Variants in LCN10 observed in about 807,000 individuals in gnomAD.
The protein encoded by LCN10 is lipocalin 10, also known as epididymal-specific lipocalin-10.
A neutral mutation model predicts 25.1 loss-of-function variants in LCN10; 18 were observed. The observed-to-expected ratio is 0.72, with a 90% CI of 0.50 to 1.06. The LOEUF (loss-of-function observed/expected upper bound fraction) is 1.06, where lower values mean the gene tolerates loss of function less well. Among genes scored for constraint, LCN10 ranks in the 50% least tolerant of loss-of-function variants. The pLI is 0.00. For missense variants in LCN10, 257 were observed against 258.9 expected, an observed-to-expected ratio of 0.99 and a Z score of 0.05; for synonymous variants, 130 against 116.7, an observed-to-expected ratio of 1.11 and a Z score of -0.73.
At position 136,740,495 on chromosome 9, in the gene LCN10, C is replaced by A. The variant is rs1465062756; in HGVS notation, c.475+341G>T. The A allele has an allele frequency of 2.2e-6, 1 of 456,576 alleles. No homozygotes were observed. Among genetic ancestry groups the A allele is most frequent in the Admixed American group, 3.5e-5 (1 of 28,526 alleles). The allele number at this position is 456,576 out of a possible 1,614,324, so 28.3% of individuals were successfully genotyped here. ...CACTTCCACACCCCTCCATCCCGGG[C>A]AGACCCTTACCTGGGACCCCTCCCA... On this transcript the variant is annotated intron_variant, in intron 4 of 5. Transcript: ENST00000497771. The surrounding 1 kb of genome is among the most constrained non-coding windows in gnomAD (Gnocchi z 5.3).
In LCN10 at chr9:136,741,388, G is replaced by A. The variant is rs201112950; in HGVS notation, c.258-27C>T. On this transcript the variant is annotated intron_variant, in intron 2 of 5. Coordinates refer to ENST00000497771, the MANE Select transcript of LCN10 (RefSeq NM_001001712.3). Reference sequence around the variant, plus strand: ...TGGGGCCAAGGCGGGGGCTCAGGCTGCAGACCAGGGAACCCCTCCTCCCGC... The same window carrying A: ...TGGGGCCAAGGCGGGGGCTCAGGCTACAGACCAGGGAACCCCTCCTCCCGC... 35 of 1,542,628 alleles carry A rather than the reference G, an allele frequency of 2.3e-5. No individual in the cohort carries two copies. In the East Asian group the frequency reaches 7.7e-4, roughly 34 times the overall value.
At chr9:136,741,101 G>T in intron 3 of LCN10, 151 bp downstream of exon 3, 1 of 986,978 alleles carries the variant, frequency 1.0e-6, no homozygotes, top group Non-Finnish European at 1.5e-6. Context: ...TCCCGGGCCA[G>T]GCCGCCCAGC....
At position 136,739,351 on chromosome 9, in the gene LCN10, C is replaced by T; in HGVS notation, c.*174G>A. 1.5e-6 allele frequency: 1 copy of T among 664,738 alleles called. No individual in the cohort carries two copies. 41.2% of individuals were successfully genotyped at this position (664,738 alleles called of 1,614,324 possible). ...CGGTCAGCCTGTATCCTCCTTCCCC[C>T]ATCTTTCTGTGATCATAAAGGATCC... On this transcript the variant is annotated 3_prime_UTR_variant, in exon 6 of 6. Transcript: ENST00000497771. This position sits in a 1 kb window ranked among gnomAD's most constrained non-coding sequence, Gnocchi z 6.1.
Position 136,739,389 on chromosome 9 carries a change from G to A in LCN10, c.*136C>T. 1.1e-6 allele frequency: 1 copy of A among 898,138 alleles called. No individual in the cohort carries two copies. The highest frequency in any genetic ancestry group is 1.8e-6 in the Non-Finnish European group (1 of 568,004). 55.6% of individuals were successfully genotyped at this position (898,138 alleles called of 1,614,324 possible). A position where few individuals can be genotyped will look rare whatever the true frequency, so the allele number is the denominator to read the frequency against. ...TCATAAAGGATCCCTTGAGCCACTT[G>A]ATTTTCACACTGTCAATGACCTAGA... On this transcript the variant is annotated 3_prime_UTR_variant, in exon 6 of 6. Transcript: ENST00000497771. This position sits in a 1 kb window ranked among gnomAD's most constrained non-coding sequence, Gnocchi z 6.1.
chr9:136,741,466 G>A, intron 2 of LCN10, 105 bp from the exon 3 acceptor site: 2 of 941,102 alleles, frequency 2.1e-6, no homozygotes, highest in Non-Finnish European at 3.2e-6. Context: ...CTGCTCCCGT[G>A]GGACCCGGGA....
intron 1 of LCN10, 32 bp downstream of exon 1, chr9:136,742,755 C>G: frequency 2.5e-6 from 4 of 1,610,434 alleles, no homozygotes; most frequent in Non-Finnish European, 3.4e-6. Context: ...AGAGCCGGCG[C>G]CCGGCTCAGG....
chr9:136,739,433 A>G lies in LCN10; in HGVS notation c.*92T>C. On this transcript the variant is annotated 3_prime_UTR_variant, in exon 6 of 6. Transcript: ENST00000497771. This position sits in a 1 kb window ranked among gnomAD's most constrained non-coding sequence, Gnocchi z 6.1. ...ACCTAGAGTCACCAAACACCTCTCA[A>G]CAAGCCGTGGTCTCCACTTGACATC... is the stretch of plus-strand genomic sequence containing the variant. The G allele has an allele frequency of 1.4e-6, 2 of 1,390,234 alleles. No homozygotes were observed. Among genetic ancestry groups the G allele is most frequent in the South Asian group, 2.5e-5 (2 of 80,676 alleles). 86.1% of individuals were successfully genotyped at this position (1,390,234 alleles called of 1,614,324 possible). A position where few individuals can be genotyped will look rare whatever the true frequency, so the allele number is the denominator to read the frequency against.
chr9:136,741,454 C>T lies in LCN10; in HGVS notation c.258-93G>A, dbSNP rs1021073183. The stretch of plus-strand genomic sequence containing the variant: ...CCCCACCCACACGTCTCGGTCCCGC[C>T]CCTGCTCCCGTGGGACCCGGGAAGG... On this transcript the variant is annotated intron_variant, in intron 2 of 5. Transcript: ENST00000497771. 3 of 1,030,872 alleles carry T rather than the reference C, an allele frequency of 2.9e-6. No homozygotes were observed. The African/African-American group carries it at 4.7e-5, about 16-fold the overall frequency. 63.9% of individuals were successfully genotyped at this position (1,030,872 alleles called of 1,614,324 possible).
At position 136,740,675 on chromosome 9, in the gene LCN10, T is replaced by C. The variant is rs1399036575; in HGVS notation, c.475+161A>G. 8 of 599,414 alleles carry C rather than the reference T, an allele frequency of 1.3e-5. No individual in the cohort carries two copies. The highest frequency in any genetic ancestry group is 2.1e-5 in the Non-Finnish European group (7 of 338,464). The allele number at this position is 599,414 out of a possible 1,614,324, so 37.1% of individuals were successfully genotyped here. ...GCTTCAGCGACCTCCAGGACCTGAC[T>C]GCTGTGGTCTCGGCTTCCATTGCCC... On this transcript the variant is annotated intron_variant, in intron 4 of 5. Transcript: ENST00000497771. This position sits in a 1 kb window ranked among gnomAD's most constrained non-coding sequence, Gnocchi z 5.3.
At position 136,741,259 on chromosome 9, in the gene LCN10, C is replaced by G. The variant is rs1476462643; in HGVS notation, c.360G>C (p.Gln120His). ...CAYAAGPREGQEGVKGVKAFH... is the reference protein window; with the variant it reads ...CAYAAGPREGHEGVKGVKAFH... ...CCCAGAGCCCAAGCACACCTCCCTC[C>G]TGTCCTTCCCTCGGGCCCGCCGCGT... Residue 120 changes from glutamine (Q) to histidine (H), a missense_variant, in exon 3 of 6, where the codon CAG (glutamine) becomes CAC (histidine). Gln to His is a conservative substitution (Grantham distance 24, BLOSUM62 0). Coordinates refer to ENST00000497771, the MANE Select transcript of LCN10 (RefSeq NM_001001712.3). 6.2e-7 allele frequency: 1 copy of G among 1,613,396 alleles called. No homozygotes were observed.
chr9:136,742,230 C>A (rs1473875151), intron 1 of LCN10: 9 of 606,996 alleles, frequency 1.5e-5, no homozygotes, highest in Non-Finnish European at 2.5e-5. Flanking sequence ...GGTCAGGGAC[C>A]CCAGGCAGCA....
In LCN10 at chr9:136,740,004, C is replaced by T; in HGVS notation, c.520G>A (p.Asp174Asn). 1.3e-6 allele frequency: 2 copies of T among 1,590,212 alleles called. No individual in the cohort carries two copies. Among genetic ancestry groups the T allele is most frequent in the Non-Finnish European group, 1.7e-6 (2 of 1,168,132 alleles). ...GAGAGCCCCAGAATGTCACAAGCGT[C>T]CATGAATTCCTTCAGACTCTGGAAG... is the stretch of plus-strand genomic sequence containing the variant. ...SSFQSLKEFM[D>N]ACDILGLSKA... The change falls in exon 5 of 6, where the codon GAC (aspartate) becomes AAC (asparagine). Residue 174 changes from aspartate (D) to asparagine (N), a missense_variant. Transcript: ENST00000497771. This position sits in a 1 kb window ranked among gnomAD's most constrained non-coding sequence, Gnocchi z 5.3.
chr9:136,741,172 G>T, intron 3 of LCN10, 80 bp downstream of exon 3: 1 of 1,278,086 alleles, frequency 7.8e-7, no homozygotes. Context: ...CGTGCTCTCG[G>T]GGACAAGGGG....
In LCN10 at chr9:136,742,027, A is replaced by G. The variant is rs371436226; in HGVS notation, c.118-7T>C. On this transcript the variant is annotated splice_polypyrimidine_tract_variant and splice_region_variant and intron_variant, in intron 1 of 5. Coordinates refer to ENST00000497771, the MANE Select transcript of LCN10 (RefSeq NM_001001712.3). ...TGTACCAGAACCCTGAAAACTGCGCAGCGGATGTGTGGGCGGGGACAGGAG... is the reference window on the plus strand; with the variant it reads ...TGTACCAGAACCCTGAAAACTGCGCGGCGGATGTGTGGGCGGGGACAGGAG... 8 of 1,612,416 alleles carry G rather than the reference A, an allele frequency of 5.0e-6. No individual in the cohort carries two copies. The highest frequency in any genetic ancestry group is 4.0e-5 in the African/African-American group (3 of 74,938).
At chr9:136,742,064 G>T (rs1846949126) in intron 1 of LCN10, 44 bp from the exon 2 acceptor site, 1 of 1,607,094 alleles carries the variant, frequency 6.2e-7, no homozygotes, top group African/African-American at 1.3e-5. Flanking sequence ...TGCCACCGGG[G>T]GCTGTCCCCA....
rs989970224 is a variant in LCN10, at chr9:136,740,251, C to G, written c.476-203G>C. The stretch of plus-strand genomic sequence containing the variant: ...CAGGCTCGGGAAGCCAGGGTCACCA[C>G]GCTGTCACCTGGGGAACCCTCTCTG... On this transcript the variant is annotated intron_variant, in intron 4 of 5. Transcript: ENST00000497771. This position sits in a 1 kb window ranked among gnomAD's most constrained non-coding sequence, Gnocchi z 5.3. The G allele has an allele frequency of 1.7e-6, 1 of 595,648 alleles. No individual in the cohort carries two copies. Among genetic ancestry groups the G allele is most frequent in the African/African-American group, 1.8e-5 (1 of 54,076 alleles). The allele number at this position is 595,648 out of a possible 1,614,324, so 36.9% of individuals were successfully genotyped here.
At chr9:136,741,527 C>T (rs1846935330) in intron 2 of LCN10, 166 bp from the exon 3 acceptor site, 1 of 616,150 alleles carries the variant, frequency 1.6e-6, no homozygotes, top group African/African-American at 1.8e-5. Flanking sequence ...CAACTCGTGT[C>T]AATCTGAGGC....
Position 136,740,985 on chromosome 9 carries a change from C to A in LCN10, c.368-42G>T. On this transcript the variant is annotated intron_variant, in intron 3 of 5. Transcript: ENST00000497771. This position sits in a 1 kb window ranked among gnomAD's most constrained non-coding sequence, Gnocchi z 5.3. ...GAGATGCCCGCTGGTTCCCGGATGG[C>A]GTGGCTGTGCCCGCCCACAGCCCTG... is the stretch of plus-strand genomic sequence containing the variant. The A allele has an allele frequency of 6.5e-7, 1 of 1,539,184 alleles. No homozygotes were observed. Among genetic ancestry groups the A allele is most frequent in the Non-Finnish European group, 9.0e-7 (1 of 1,116,900 alleles).
At position 136,740,207 on chromosome 9, in the gene LCN10, T is replaced by C; in HGVS notation, c.476-159A>G. On this transcript the variant is annotated intron_variant, in intron 4 of 5. Transcript: ENST00000497771. This position sits in a 1 kb window ranked among gnomAD's most constrained non-coding sequence, Gnocchi z 5.3. ...GGGAGGACAGCGGCCGCTGGGCCCC[T>C]CCCCACTTACGAGGCAGCCAGGCTC... is the stretch of plus-strand genomic sequence containing the variant. 1 of 640,518 alleles carries C rather than the reference T, an allele frequency of 1.6e-6. No individual in the cohort carries two copies. The highest frequency in any genetic ancestry group is 2.8e-6 in the Non-Finnish European group (1 of 351,704). The allele number at this position is 640,518 out of a possible 1,614,324, so 39.7% of individuals were successfully genotyped here.
Sources: gnomAD v4.1 joint callset for allele counts on GRCh38, gnomAD v4.1.1 for gene constraint, Gnocchi (gnomAD v3.1) non-coding constraint, MANE v1.5 for transcripts, NCBI Gene and HGNC (gene_info 2026-07-23, HGNC 2026-07-21) for gene names.